EPHA3: variants seen among roughly 807,000 people sequenced by gnomAD.
EPHA3 encodes ephrin type-A receptor 3.
In EPHA3, 42 loss-of-function variants were observed where a neutral mutation model predicts 107.1. That is an observed-to-expected ratio of 0.39 (90% CI 0.31 to 0.51). EPHA3 has a LOEUF of 0.51. EPHA3 is among the 20% of genes least tolerant of loss of function. EPHA3 has a pLI of 0.78. For synonymous variants in EPHA3, 461 were observed against 424.8 expected (o/e 1.09, Z -1.05); for missense variants, 1,183 against 1,211.2 (o/e 0.98, Z 0.35).
intron 3 of EPHA3, among the ~76,000 whole-genome samples, chr3:89,259,766 A>G (rs1705371774): frequency 6.6e-6 from 1 of 152,116 alleles, no homozygotes; most frequent in South Asian, 2.1e-4. Context: ...CTTACATTAG[A>G]TCTTTAGATT....
At chr3:89,227,364 G>A (rs1450219144) in intron 3 of EPHA3, among the ~76,000 whole-genome samples, 1 of 151,942 alleles carries the variant, frequency 6.6e-6, no homozygotes, top group African/African-American at 2.4e-5. Context: ...GTGGGATGTA[G>A]TCCTGTTTAG....
At chr3:89,392,210 C>T (rs1222238300) in intron 5 of EPHA3, among the ~76,000 whole-genome samples, 1 of 152,090 alleles carries the variant, frequency 6.6e-6, no homozygotes, top group East Asian at 1.9e-4. Context: ...GAGGCTGAGG[C>T]AGTTGGATCA....
At chr3:89,407,722 C>A (rs1372138562) in intron 8 of EPHA3, among the ~76,000 whole-genome samples, 1 of 152,076 alleles carries the variant, frequency 6.6e-6, no homozygotes, top group Non-Finnish European at 1.5e-5. Context: ...GGTAACACTG[C>A]ACAGCACTAA....
chr3:89,472,653 G>C (rs766219303), intron 16 of EPHA3, 34 bp downstream of exon 16: 1 of 1,584,726 alleles, frequency 6.3e-7, no homozygotes. Context: ...AAGAATGAAG[G>C]ATTCTTTTGA....
intron 5 of EPHA3, among the ~76,000 whole-genome samples, chr3:89,353,935 G>T (rs770197609): frequency 6.6e-6 from 1 of 151,110 alleles, no homozygotes; most frequent in Non-Finnish European, 1.5e-5. Context: ...ACGTGGAAGG[G>T]TATGATTACA....
intron 11 of EPHA3, among the ~76,000 whole-genome samples, chr3:89,423,610 A>C (rs933688819): frequency 1.2e-4 from 18 of 151,406 alleles, no homozygotes; most frequent in African/African-American, 4.4e-4. Context: ...TGTTAAAATG[A>C]GTTCAGAACA....
intron 5 of EPHA3, among the ~76,000 whole-genome samples, chr3:89,376,418 A>C (rs1354225196): frequency 2.6e-5 from 4 of 151,902 alleles, no homozygotes; most frequent in South Asian, 4.1e-4. Context: ...ATGTACATAT[A>C]AGTATGTCCT....
intron 2 of EPHA3, among the ~76,000 whole-genome samples, chr3:89,202,527 AAAAAAAAATATATAT>A (rs1260833636): frequency 1.7e-5 from 2 of 118,298 alleles, no homozygotes; most frequent in African/African-American, 3.0e-5. Flanking sequence ...AAAAAAAAAA[AAAAAAAAATATATAT>A]ATATATATAT....
chr3:89,237,000 G>T (rs1167649079), intron 3 of EPHA3, among the ~76,000 whole-genome samples: 3 of 152,154 alleles, frequency 2.0e-5, no homozygotes, highest in Non-Finnish European at 4.4e-5. Context: ...ATGAATCAAT[G>T]AATCAATGCA....
intron 2 of EPHA3, among the ~76,000 whole-genome samples, chr3:89,195,339 A>G (rs772514355): frequency 4.6e-5 from 7 of 152,066 alleles, no homozygotes; most frequent in Non-Finnish European, 1.0e-4. Flanking sequence ...TCTGGGTTTG[A>G]ATCTAGGCTC....
intron 3 of EPHA3, among the ~76,000 whole-genome samples, chr3:89,323,246 G>A (rs1385467951): frequency 6.6e-6 from 1 of 151,942 alleles, no homozygotes; most frequent in East Asian, 1.9e-4. Flanking sequence ...TTTCTAATAT[G>A]CTAATGTGTA....
chr3:89,188,775 C>T lies in EPHA3; in HGVS notation c.154-21085C>T, dbSNP rs555092790. Among the ~76,000 whole-genome samples, 8 of 152,150 alleles carry T rather than the reference C, an allele frequency of 5.3e-5. No individual in the cohort carries two copies. In the East Asian group the frequency reaches 7.7e-4, roughly 15 times the overall value. On this transcript the variant is annotated intron_variant, in intron 2 of 16. Transcript: ENST00000336596. ...ATGATTTTCTTCTTCACATCATTCACACCTCTTCCCATGACAATTTATCAG... is the reference window on the plus strand; with the variant it reads ...ATGATTTTCTTCTTCACATCATTCATACCTCTTCCCATGACAATTTATCAG...
Position 89,392,194 on chromosome 3 carries a change from T to A in EPHA3, c.1307-3643T>A, listed in dbSNP as rs371988948. ...GTGGCTCACTCCTGTAATCCCAGAA[T>A]TTAGGGAGGCTGAGGCAGTTGGATC... On this transcript the variant is annotated intron_variant, in intron 5 of 16. Coordinates refer to ENST00000336596, the MANE Select transcript of EPHA3 (RefSeq NM_005233.6). Among the ~76,000 whole-genome samples, 4 of 152,072 alleles carry A rather than the reference T, an allele frequency of 2.6e-5. No homozygotes were observed. The South Asian group carries it at 8.3e-4, about 32-fold the overall frequency.
chr3:89,447,172 G>T (rs574556284), intron 13 of EPHA3, among the ~76,000 whole-genome samples: 64 of 152,224 alleles, frequency 4.2e-4, no homozygotes, highest in African/African-American at 1.5e-3. Context: ...TTTAGTGCAC[G>T]TTGCACACTG....
intron 2 of EPHA3, among the ~76,000 whole-genome samples, chr3:89,133,293 G>T (rs1559745998): frequency 6.6e-6 from 1 of 152,094 alleles, no homozygotes; most frequent in Admixed American, 6.5e-5. Flanking sequence ...CATATAATCT[G>T]CACAGACAAA....
chr3:89,444,729 AT>A (rs1380066304), intron 13 of EPHA3, among the ~76,000 whole-genome samples: 1 of 151,988 alleles, frequency 6.6e-6, no homozygotes, highest in Non-Finnish European at 1.5e-5. Flanking sequence ...AAATGACAAA[AT>A]TTTCTAAATA....
intron 11 of EPHA3, among the ~76,000 whole-genome samples, chr3:89,420,670 C>T (rs1709335675): frequency 6.6e-6 from 1 of 151,400 alleles, no homozygotes; most frequent in South Asian, 2.1e-4. Context: ...CTGAGCAAGG[C>T]TATACTGTTT....
intron 2 of EPHA3, among the ~76,000 whole-genome samples, chr3:89,155,315 G>T (rs1224595037): frequency 3.3e-5 from 5 of 151,886 alleles, no homozygotes; most frequent in Non-Finnish European, 7.4e-5. Flanking sequence ...CAAACTTCAA[G>T]AAACATATAA....
chr3:89,435,888 G>A (rs1254387358), intron 13 of EPHA3, among the ~76,000 whole-genome samples: 4 of 150,684 alleles, frequency 2.7e-5, no homozygotes, highest in African/African-American at 9.7e-5. Context: ...GGGAGGCAGA[G>A]GTTGCAGCGA....
Sources: allele counts gnomAD v4.1 joint callset (sites outside exome capture counted in the v4.1 genomes callset), GRCh38; gene constraint gnomAD v4.1.1; transcripts MANE v1.5; gene names NCBI Gene and HGNC (gene_info 2026-07-23, HGNC 2026-07-21).